Variants in KYAT3 observed in about 807,000 individuals in gnomAD.
KYAT3 encodes the protein kynurenine--oxoglutarate transaminase 3.
KYAT3 carries 50 observed loss-of-function variants against 59.0 expected under a neutral mutation model. That is an observed-to-expected ratio of 0.85 (90% confidence interval 0.68 to 1.07). KYAT3 has a LOEUF of 1.07. Ranked by LOEUF, KYAT3 falls within the 50% of genes least tolerant of loss-of-function variation. KYAT3 has a pLI of 0.00. For synonymous variants in KYAT3, 148 were observed against 177.0 expected (o/e 0.84, Z 1.30); for missense variants, 497 against 533.3 (o/e 0.93, Z 0.67).
At chr1:88,953,234 T>C (rs1675754746) in intron 9 of KYAT3, 82 bp from the exon 10 acceptor site, 8 of 879,486 alleles carry the variant, frequency 9.1e-6, no homozygotes, top group African/African-American at 1.7e-5. Flanking sequence ...CTTAGTGCAA[T>C]TGTTAAATAT....
At chr1:88,958,092 C>T (rs139357981) in intron 8 of KYAT3, among the ~76,000 whole-genome samples, 217 of 152,228 alleles carry the variant, frequency 1.4e-3, no homozygotes, top group African/African-American at 4.2e-3. Flanking sequence ...TTGATTCTGA[C>T]GATCAGGCCT....
intron 4 of KYAT3, among the ~76,000 whole-genome samples, chr1:88,965,956 G>A (rs994626757): frequency 1.3e-5 from 2 of 152,120 alleles, no homozygotes; most frequent in Non-Finnish European, 2.9e-5. Flanking sequence ...ACATTTCTTA[G>A]AATGATAAGT....
At chr1:88,961,991 G>A in intron 6 of KYAT3, 68 bp downstream of exon 6, 9 of 1,054,620 alleles carry the variant, frequency 8.5e-6, no homozygotes, top group Non-Finnish European at 1.3e-5. Context: ...TCATGACAAA[G>A]TAATTGGTAT....
intron 5 of KYAT3, among the ~76,000 whole-genome samples, chr1:88,963,938 C>A (rs1369177649): frequency 6.6e-6 from 1 of 152,206 alleles, no homozygotes; most frequent in Non-Finnish European, 1.5e-5. Flanking sequence ...CGTGGTGGCT[C>A]ACGCCTGTAA....
the KYAT3 span, among the ~76,000 whole-genome samples, chr1:88,925,166 C>T: frequency 6.6e-6 from 1 of 152,222 alleles, no homozygotes; most frequent in African/African-American, 2.4e-5. Flanking sequence ...CTGGAGCCAG[C>T]TTCCACTTTC....
intron 2 of KYAT3, among the ~76,000 whole-genome samples, chr1:88,987,329 A>C (rs368392504): frequency 1.3e-5 from 2 of 152,274 alleles, no homozygotes; most frequent in Admixed American, 6.5e-5. Flanking sequence ...GGCCTGAAAA[A>C]GGTGGTCACG....
chr1:88,937,800 AGCAT>A (rs1434491150), intron 13 of KYAT3, among the ~76,000 whole-genome samples: 2 of 152,210 alleles, frequency 1.3e-5, no homozygotes, highest in Non-Finnish European at 2.9e-5. Flanking sequence ...CCTGAGTCTA[AGCAT>A]GAGGAAACAT....
chr1:88,944,448 A>C (rs566156629), intron 11 of KYAT3, among the ~76,000 whole-genome samples: 1 of 152,296 alleles, frequency 6.6e-6, no homozygotes, highest in African/African-American at 2.4e-5. Flanking sequence ...GAGAACATAA[A>C]ATTTCCAAGT....
the KYAT3 span, among the ~76,000 whole-genome samples, chr1:88,926,991 C>T: frequency 3.3e-5 from 5 of 152,144 alleles, no homozygotes; most frequent in African/African-American, 7.2e-5. Context: ...CACTAGAATC[C>T]AGCAGCCCGG....
intron 8 of KYAT3, among the ~76,000 whole-genome samples, chr1:88,959,939 G>A (rs1309759132): frequency 6.7e-6 from 1 of 149,060 alleles, no homozygotes; most frequent in African/African-American, 2.4e-5. Context: ...ATGGTGGTCT[G>A]TGCCTGCAGT....
chr1:88,935,551 C>T (rs192587202), downstream of KYAT3, among the ~76,000 whole-genome samples: 70 of 152,204 alleles, frequency 4.6e-4, no homozygotes, highest in Non-Finnish European at 4.9e-4. Context: ...GTGAACATCA[C>T]CAGAGGTGAG....
chr1:88,964,895 A>G lies in KYAT3; in HGVS notation c.387T>C (p.Leu129=). 6.2e-7 allele frequency: 1 copy of G among 1,609,758 alleles called. No homozygotes were observed. Among genetic ancestry groups the G allele is most frequent in the Non-Finnish European group, 8.5e-7 (1 of 1,178,598 alleles). The change falls in exon 5 of 14, where the codon CTT becomes CTC. Residue 129 remains leucine (L), a synonymous_variant. Coordinates refer to ENST00000260508, the MANE Select transcript of KYAT3 (RefSeq NM_001008661.3). The part of the protein sequence containing the change: ...QKQIDSNKEI[L]VTVGAYGSLF... ...GAGATCCATATGCTCCTACTGTCACAAGGATTTCTTTATTTGAATCAATTT... is the reference window on the plus strand; with the variant it reads ...GAGATCCATATGCTCCTACTGTCACGAGGATTTCTTTATTTGAATCAATTT...
intron 2 of KYAT3, among the ~76,000 whole-genome samples, chr1:88,973,779 A>G (rs916903531): frequency 1.3e-5 from 2 of 152,178 alleles, no homozygotes; most frequent in African/African-American, 4.8e-5. Context: ...AAAAGTTTGG[A>G]CAGATCGAAA....
At chr1:88,953,889 C>CCTT (rs748447310) in intron 9 of KYAT3, among the ~76,000 whole-genome samples, 2 of 121,228 alleles carry the variant, frequency 1.6e-5, no homozygotes, top group African/African-American at 5.4e-5. Context: ...GATGCTCCCT[C>CCTT]CTTCTTCTTC....
At chr1:88,982,569 G>T (rs879144292) in intron 2 of KYAT3, 1 of 1,495,772 alleles carries the variant, frequency 6.7e-7, no homozygotes, top group Non-Finnish European at 8.9e-7. Context: ...CCTTTTAGTA[G>T]TCCTTGGGTA....
Position 88,953,153 on chromosome 1 carries a change from C to G in KYAT3, c.865-1G>C. 6.2e-7 allele frequency: 1 copy of G among 1,604,078 alleles called. No individual in the cohort carries two copies. The highest frequency in any genetic ancestry group is 8.5e-7 in the Non-Finnish European group (1 of 1,171,372). The stretch of plus-strand genomic sequence containing the variant: ...GATTTGGACCAATGGACCAGCCAAG[C>G]TGGGAAAGGAAAAGATAAAAGATTT... On this transcript the variant is annotated splice_acceptor_variant, in intron 9 of 13. Transcript: ENST00000260508. LOFTEE classifies it high-confidence loss of function.
chr1:88,962,605 C>T (rs924511172), intron 5 of KYAT3, among the ~76,000 whole-genome samples: 1 of 152,134 alleles, frequency 6.6e-6, no homozygotes, highest in Non-Finnish European at 1.5e-5. Context: ...GTATAAAGTG[C>T]TAATTTAAAA....
chr1:88,930,759 A>G, the KYAT3 span, among the ~76,000 whole-genome samples: 9 of 152,316 alleles, frequency 5.9e-5, no homozygotes, highest in African/African-American at 1.9e-4. Context: ...CCAACTTCCG[A>G]GGGATCACCT....
chr1:88,924,393 C>CCCCA, the KYAT3 span, among the ~76,000 whole-genome samples: 8 of 152,338 alleles, frequency 5.3e-5, no homozygotes, highest in South Asian at 1.7e-3. Context: ...TCATCCCTTT[C>CCCCA]CCCATCCTCC....
Sources: gnomAD v4.1 joint callset for allele counts (sites outside exome capture counted in the v4.1 genomes callset) on GRCh38, gnomAD v4.1.1 for gene constraint, MANE v1.5 for transcripts, NCBI Gene and HGNC (gene_info 2026-07-23, HGNC 2026-07-21) for gene names.